The following ITPR1 variants were observed in gnomAD, a reference collection of about 807,000 sequenced individuals.
The protein encoded by ITPR1 is inositol 1,4,5-trisphosphate receptor type 1, also known as inositol 1,4,5-trisphosphate-gated calcium channel ITPR1.
ITPR1 carries 96 observed loss-of-function variants against 318.4 expected under a neutral mutation model. The ratio of observed to expected loss-of-function variants is 0.30; its 90% CI spans 0.26 to 0.36. The LOEUF (loss-of-function observed/expected upper bound fraction) is 0.36, where lower values mean the gene tolerates loss of function less well. Among genes scored for constraint, ITPR1 ranks in the 10% least tolerant of loss-of-function variants. The pLI is 1.00. For missense variants in ITPR1, 2,440 were observed against 3,460.2 expected (o/e 0.71, Z 7.40); for synonymous variants, 1,312 against 1,289.9 (o/e 1.02, Z -0.37).
chr3:4,659,056 C>A (rs757798124), intron 13 of ITPR1, among the ~76,000 whole-genome samples: 4 of 152,152 alleles, frequency 2.6e-5, no homozygotes, highest in Admixed American at 6.5e-5. Flanking sequence ...AGTCCCGTAG[C>A]AGAACCCAAA....
chr3:4,713,629 C>T (rs1490968498), intron 39 of ITPR1, among the ~76,000 whole-genome samples: 2 of 152,244 alleles, frequency 1.3e-5, no homozygotes, highest in African/African-American at 2.4e-5. Context: ...TGAGAAATGT[C>T]GTAATGCATG....
At chr3:4,681,529 T>G (rs2094297728) in intron 26 of ITPR1, 111 bp downstream of exon 26, 1 of 783,454 alleles carries the variant, frequency 1.3e-6, no homozygotes, top group East Asian at 2.7e-5. Flanking sequence ...TTAGGTTGTT[T>G]TGGTGCTATC....
intron 44 of ITPR1, among the ~76,000 whole-genome samples, chr3:4,756,251 C>T (rs1226330048): frequency 6.6e-6 from 1 of 152,112 alleles, no homozygotes; most frequent in Non-Finnish European, 1.5e-5. Flanking sequence ...CTTTGACAAG[C>T]GGAAGCAACG....
At chr3:4,810,638 A>T (rs1371921355) in intron 55 of ITPR1, among the ~76,000 whole-genome samples, 1 of 152,248 alleles carries the variant, frequency 6.6e-6, no homozygotes, top group East Asian at 1.9e-4. Context: ...TATGGATGCC[A>T]GTGTGCTAAG....
At chr3:4,603,156 A>G (rs2091426020) in intron 4 of ITPR1, among the ~76,000 whole-genome samples, 1 of 151,952 alleles carries the variant, frequency 6.6e-6, no homozygotes, top group Non-Finnish European at 1.5e-5. Context: ...ATAAGGCAAG[A>G]CTTGCTTTTT....
intron 4 of ITPR1, among the ~76,000 whole-genome samples, chr3:4,544,526 C>A (rs1010500120): frequency 6.6e-6 from 1 of 152,172 alleles, no homozygotes; most frequent in African/African-American, 2.4e-5. Flanking sequence ...TGGCTTGCAT[C>A]TGAGAAGTAC....
At chr3:4,563,976 G>A (rs537978286) in intron 4 of ITPR1, among the ~76,000 whole-genome samples, 6 of 150,880 alleles carry the variant, frequency 4.0e-5, no homozygotes, top group Non-Finnish European at 1.5e-5. Context: ...GAATCTCACC[G>A]TGTCACCCAG....
chr3:4,657,508 T>A (rs1575947086), intron 12 of ITPR1, among the ~76,000 whole-genome samples: 2 of 150,998 alleles, frequency 1.3e-5, no homozygotes, highest in East Asian at 3.9e-4. Context: ...CACTCTGTCG[T>A]CTAGGCTGAA....
chr3:4,711,290 G>A (rs1418006193), intron 38 of ITPR1, among the ~76,000 whole-genome samples: 1 of 151,182 alleles, frequency 6.6e-6, no homozygotes, highest in African/African-American at 2.4e-5. Context: ...GACTCTGCAT[G>A]TGAGTTTCTT....
chr3:4,575,996 G>A (rs2088609792), intron 4 of ITPR1, among the ~76,000 whole-genome samples: 1 of 151,472 alleles, frequency 6.6e-6, no homozygotes, highest in East Asian at 1.9e-4. Context: ...CTCCAGCCTG[G>A]GTGGCAGACT....
chr3:4,575,464 A>G (rs928646995), intron 4 of ITPR1, among the ~76,000 whole-genome samples: 4 of 152,226 alleles, frequency 2.6e-5, no homozygotes, highest in African/African-American at 9.6e-5. Context: ...TTTATTAAAT[A>G]TCATCACCCT....
At chr3:4,711,508 T>A in intron 38 of ITPR1, 4 of 396,378 alleles carry the variant, frequency 1.0e-5, no homozygotes, top group South Asian at 7.8e-5. Flanking sequence ...CCATATAATC[T>A]CTCCATTGTA....
intron 6 of ITPR1, 121 bp from the exon 7 acceptor site, chr3:4,641,972 G>T (rs1345178695): frequency 5.6e-6 from 4 of 708,342 alleles, no homozygotes; most frequent in African/African-American, 1.8e-5. Context: ...TGATTCTCTG[G>T]CTTCACCAGC....
chr3:4,636,216 T>C (rs2125143428), intron 5 of ITPR1, among the ~76,000 whole-genome samples: 1 of 152,254 alleles, frequency 6.6e-6, no homozygotes, highest in Non-Finnish European at 1.5e-5. Flanking sequence ...AATTTGATAT[T>C]TGTGCATTTA....
chr3:4,655,562 C>A (rs1246195859), intron 12 of ITPR1, among the ~76,000 whole-genome samples: 1 of 152,152 alleles, frequency 6.6e-6, no homozygotes, highest in African/African-American at 2.4e-5. Flanking sequence ...TTGCGTCCAC[C>A]AGGTTGTCTG....
At chr3:4,521,189 G>T in intron 4 of ITPR1, 95 bp downstream of exon 4, 1 of 747,232 alleles carries the variant, frequency 1.3e-6, no homozygotes, top group Admixed American at 2.7e-5. Flanking sequence ...AAGCAAAATA[G>T]GCTTATTTAT....
intron 4 of ITPR1, among the ~76,000 whole-genome samples, chr3:4,561,196 T>C (rs2086641265): frequency 6.6e-6 from 1 of 152,246 alleles, no homozygotes; most frequent in Non-Finnish European, 1.5e-5. Flanking sequence ...TGAGATGATC[T>C]ACTTGGCCTA....
At chr3:4,493,789 CCTCTA>C (rs2080324935) in intron 1 of ITPR1, among the ~76,000 whole-genome samples, 184 bp downstream of exon 1, 1 of 152,138 alleles carries the variant, frequency 6.6e-6, no homozygotes, top group African/African-American at 2.4e-5. Context: ...AAACAAATAT[CCTCTA>C]CTCTAGTGCG....
At chr3:4,617,976 C>T (rs1255045879) in intron 4 of ITPR1, among the ~76,000 whole-genome samples, 1 of 143,020 alleles carries the variant, frequency 7.0e-6, no homozygotes, top group Non-Finnish European at 1.5e-5. Flanking sequence ...CAAAGTGAGA[C>T]CGTGCGTATC....
Sources: allele counts gnomAD v4.1 joint callset (sites outside exome capture counted in the v4.1 genomes callset), GRCh38; gene constraint gnomAD v4.1.1; transcripts MANE v1.5; gene names NCBI Gene and HGNC (gene_info 2026-07-23, HGNC 2026-07-21).